NRXN3: variants seen among roughly 807,000 people sequenced by gnomAD.
The protein encoded by NRXN3 is neurexin 3, also known as neurexin III.
A neutral mutation model predicts 137.6 loss-of-function variants in NRXN3; 32 were observed. The ratio of observed to expected loss-of-function variants is 0.23; its 90% CI spans 0.18 to 0.31. NRXN3 has a LOEUF of 0.31. NRXN3 is among the 10% of genes least tolerant of loss of function. NRXN3 has a pLI of 1.00. For missense variants in NRXN3, 1,574 were observed against 2,062.5 expected, an observed-to-expected ratio of 0.76 and a Z score of 4.59; for synonymous variants, 798 against 784.5, an observed-to-expected ratio of 1.02 and a Z score of -0.29.
At chr14:79,414,031 T>C (rs1440550048) in intron 15 of NRXN3, among the ~76,000 whole-genome samples, 2 of 152,060 alleles carry the variant, frequency 1.3e-5, no homozygotes, top group Admixed American at 1.3e-4. Flanking sequence ...GCCCCAAATG[T>C]ATTTCAATCA....
rs551710531 is a variant in NRXN3 at position 79,493,198 on chromosome 14, C to T, written c.3444+25796C>T. Among the ~76,000 whole-genome samples the T allele has an allele frequency of 3.9e-5, 6 of 152,264 alleles. No individual in the cohort carries two copies. In the South Asian group the frequency reaches 1.0e-3, roughly 26 times the overall value. On this transcript the variant is annotated intron_variant, in intron 16 of 20. Transcript: ENST00000335750. Reference sequence around the variant, plus strand: ...CCAGACAGATCAATACCACACAAAACGTTAATTGCTTTTCTTGGTGAATCC... The same window carrying T: ...CCAGACAGATCAATACCACACAAAATGTTAATTGCTTTTCTTGGTGAATCC...
Position 79,861,159 on chromosome 14 carries a change from C to A in NRXN3, c.4094-183C>A, listed in dbSNP as rs1469213594. 6 of 1,508,276 alleles carry A rather than the reference C, an allele frequency of 4.0e-6. No homozygotes were observed. The highest frequency in any genetic ancestry group is 5.3e-6 in the Non-Finnish European group (6 of 1,132,782). 93.4% of individuals were successfully genotyped at this position (1,508,276 alleles called of 1,614,324 possible). On this transcript the variant is annotated intron_variant, in intron 20 of 20. Coordinates refer to ENST00000335750, the MANE Select transcript of NRXN3 (RefSeq NM_001330195.2). This position sits in a 1 kb window ranked among gnomAD's most constrained non-coding sequence, Gnocchi z 5.4. ...CGCCCCCTCCTCACCATTATTGAGACCACCAAAGATTCCCTGTCCATGACC... is the reference window on the plus strand; with the variant it reads ...CGCCCCCTCCTCACCATTATTGAGAACACCAAAGATTCCCTGTCCATGACC...
chr14:79,320,763 G>A (rs547471996), intron 15 of NRXN3, among the ~76,000 whole-genome samples: 1 of 152,096 alleles, frequency 6.6e-6, no homozygotes, highest in East Asian at 1.9e-4. Flanking sequence ...CCTTGGTACA[G>A]TATTAAGGCT....
At chr14:78,447,940 C>T (rs1156470677) in intron 4 of NRXN3, among the ~76,000 whole-genome samples, 2 of 152,114 alleles carry the variant, frequency 1.3e-5, no homozygotes, top group African/African-American at 4.8e-5. Context: ...CATTGTTATT[C>T]CCTGACATGC....
chr14:79,219,790 A>G (rs1037806812), intron 15 of NRXN3, among the ~76,000 whole-genome samples: 3 of 152,148 alleles, frequency 2.0e-5, no homozygotes, highest in Admixed American at 6.6e-5. Flanking sequence ...TGACTCTATG[A>G]TTGTGTTGTA....
chr14:78,206,870 T>G (rs2062238254), intron 1 of NRXN3, among the ~76,000 whole-genome samples: 1 of 152,034 alleles, frequency 6.6e-6, no homozygotes, highest in Admixed American at 6.6e-5. Flanking sequence ...CTTTTTTTTT[T>G]GTTTGTTTTT....
At chr14:79,321,365 C>T (rs1223231167) in intron 15 of NRXN3, among the ~76,000 whole-genome samples, 2 of 152,084 alleles carry the variant, frequency 1.3e-5, no homozygotes, top group African/African-American at 4.8e-5. Flanking sequence ...TGTTAGATTT[C>T]AAAATCAGTC....
chr14:79,032,059 T>C (rs1426447424), intron 15 of NRXN3, among the ~76,000 whole-genome samples: 1 of 152,128 alleles, frequency 6.6e-6, no homozygotes, highest in Non-Finnish European at 1.5e-5. Context: ...AAAGGGAATG[T>C]TTCTCTTCTC....
Position 78,957,265 on chromosome 14 carries a change from G to C in NRXN3, c.2299G>C (p.Ala767Pro). The change falls in exon 11 of 21, where the codon GCA becomes CCA. Residue 767 changes from alanine (A) to proline (P), a missense_variant. Around this residue, in one of 5 missense-constraint regions of NRXN3, gnomAD observed 718 missense variants for 887.6 expected, o/e 0.81. Coordinates refer to ENST00000335750, the MANE Select transcript of NRXN3 (RefSeq NM_001330195.2). The stretch of plus-strand genomic sequence containing the variant: ...AGGCAAAGGACCAGAGACCTTGTAT[G>C]CAGGGCAGAAGCTCAATGACAACGA... ...NSSKGPETLYAGQKLNDNEWH... is the reference protein window; with the variant it reads ...NSSKGPETLYPGQKLNDNEWH... 1 of 1,614,094 alleles carries C rather than the reference G, an allele frequency of 6.2e-7. No homozygotes were observed. Among genetic ancestry groups the C allele is most frequent in the Non-Finnish European group, 8.5e-7 (1 of 1,180,002 alleles).
rs1277254492 is a variant in NRXN3 at position 79,036,958 on chromosome 14, T to C, written c.3262+48817T>C. Among the ~76,000 whole-genome samples, 3 of 152,224 alleles carry C rather than the reference T, an allele frequency of 2.0e-5. No individual in the cohort carries two copies. In the East Asian group the frequency reaches 5.8e-4, roughly 30 times the overall value. The stretch of plus-strand genomic sequence containing the variant: ...AAATATTTGAAAGTGTCTGAAACAA[T>C]TGCCGACCACTATTTCAATTCCTTT... On this transcript the variant is annotated intron_variant, in intron 15 of 20. Transcript: ENST00000335750.
intron 15 of NRXN3, among the ~76,000 whole-genome samples, chr14:79,168,688 A>G (rs2061503731): frequency 1.3e-5 from 2 of 151,774 alleles, no homozygotes; most frequent in African/African-American, 2.4e-5. Flanking sequence ...TCATCTTTGT[A>G]TTCTTCTTGA....
At chr14:79,807,962 C>G (rs1449208316) in intron 20 of NRXN3, among the ~76,000 whole-genome samples, 5 of 152,106 alleles carry the variant, frequency 3.3e-5, no homozygotes, top group Non-Finnish European at 2.9e-5. Context: ...CTGATTTCCA[C>G]TAATGGGGAT....
intron 10 of NRXN3, among the ~76,000 whole-genome samples, chr14:78,951,301 AGGTT>A (rs1019944819): frequency 2.0e-5 from 3 of 152,166 alleles, no homozygotes; most frequent in African/African-American, 7.2e-5. Flanking sequence ...AAGAGCTTTC[AGGTT>A]TGTACCATGT....
At chr14:78,553,723 G>A (rs2096713858) in intron 4 of NRXN3, among the ~76,000 whole-genome samples, 1 of 152,314 alleles carries the variant, frequency 6.6e-6, no homozygotes, top group Non-Finnish European at 1.5e-5. Flanking sequence ...CATATGCTGT[G>A]TATTTCTACC....
intron 16 of NRXN3, among the ~76,000 whole-genome samples, chr14:79,525,072 G>A (rs902310780): frequency 1.3e-5 from 2 of 152,130 alleles, no homozygotes; most frequent in African/African-American, 4.8e-5. Flanking sequence ...GAAAGGCAGA[G>A]GGAAATTGGA....
chr14:78,291,884 T>G (rs1452708530), intron 3 of NRXN3, among the ~76,000 whole-genome samples: 2 of 152,180 alleles, frequency 1.3e-5, no homozygotes, highest in Non-Finnish European at 2.9e-5. Context: ...TTGGCAGAGA[T>G]AACTTTTTTT....
intron 1 of NRXN3, among the ~76,000 whole-genome samples, chr14:78,230,716 A>G (rs1302909390): frequency 2.6e-5 from 4 of 152,168 alleles, no homozygotes; most frequent in African/African-American, 9.7e-5. Flanking sequence ...AGGAGGTAGC[A>G]TGGCTGGGGC....
At chr14:78,258,633 A>G (rs2070113958) in intron 2 of NRXN3, among the ~76,000 whole-genome samples, 1 of 152,240 alleles carries the variant, frequency 6.6e-6, no homozygotes, top group Non-Finnish European at 1.5e-5. Flanking sequence ...ATACCCAGAC[A>G]TGTAGAAGGA....
At chr14:79,528,560 TAC>T (rs1376910327) in intron 16 of NRXN3, among the ~76,000 whole-genome samples, 1 of 152,172 alleles carries the variant, frequency 6.6e-6, no homozygotes, top group Non-Finnish European at 1.5e-5. Flanking sequence ...TATATGTATA[TAC>T]AGTATATTCA....
Sources: gnomAD v4.1 joint callset for allele counts (sites outside exome capture counted in the v4.1 genomes callset) on GRCh38, gnomAD v4.1.1 for gene constraint, gnomAD v4.1.1 regional missense constraint, Gnocchi (gnomAD v3.1) non-coding constraint, MANE v1.5 for transcripts, NCBI Gene and HGNC (gene_info 2026-07-23, HGNC 2026-07-21) for gene names.